The following SLC10A7 variants were observed in gnomAD, a reference collection of about 807,000 sequenced individuals.
SLC10A7 encodes sodium/bile acid cotransporter 7.
SLC10A7 carries 29 observed loss-of-function variants against 43.2 expected under a neutral mutation model. The observed-to-expected ratio is 0.67, with a 90% CI of 0.50 to 0.92. The LOEUF (loss-of-function observed/expected upper bound fraction) is 0.92. Ranked by LOEUF, SLC10A7 falls within the 40% of genes least tolerant of loss-of-function variation. SLC10A7 has a pLI of 0.00. For synonymous variants in SLC10A7, 152 were observed against 144.8 expected (o/e 1.05, Z -0.35); for missense variants, 295 against 403.2 (o/e 0.73, Z 2.30).
chr4:146,389,642 G>A (rs1738270824), intron 5 of SLC10A7, among the ~76,000 whole-genome samples: 1 of 152,206 alleles, frequency 6.6e-6, no homozygotes, highest in Non-Finnish European at 1.5e-5. Flanking sequence ...TTCCCAGAGA[G>A]AACTTCATTC....
At chr4:146,258,636 C>T (rs1418215907) in intron 11 of SLC10A7, 56 bp downstream of exon 11, 2 of 1,527,364 alleles carry the variant, frequency 1.3e-6, no homozygotes, top group Middle Eastern at 1.7e-4. Context: ...AGTTCAGATT[C>T]AGGAACAGCA....
chr4:146,282,414 A>G (rs1456757435), intron 10 of SLC10A7, among the ~76,000 whole-genome samples: 2 of 152,184 alleles, frequency 1.3e-5, no homozygotes. Flanking sequence ...CATTCTCTTA[A>G]GTGACTCATG....
At chr4:146,434,521 A>G (rs1028637486) in intron 5 of SLC10A7, among the ~76,000 whole-genome samples, 4 of 152,166 alleles carry the variant, frequency 2.6e-5, no homozygotes, top group African/African-American at 7.2e-5. Context: ...TTAAAAAGCA[A>G]TAATTGAGAT....
chr4:146,425,079 A>G (rs757613169), intron 5 of SLC10A7, among the ~76,000 whole-genome samples: 9 of 152,192 alleles, frequency 5.9e-5, no homozygotes, highest in Non-Finnish European at 8.8e-5. Context: ...AATAAGAAAA[A>G]TGTTTAAGTG....
At chr4:146,390,745 C>T (rs1738367718) in intron 5 of SLC10A7, among the ~76,000 whole-genome samples, 1 of 152,110 alleles carries the variant, frequency 6.6e-6, no homozygotes, top group African/African-American at 2.4e-5. Flanking sequence ...ATTTTCCCCT[C>T]CTGCTTTACC....
chr4:146,472,569 G>A (rs1373615631), intron 4 of SLC10A7, among the ~76,000 whole-genome samples: 2 of 151,786 alleles, frequency 1.3e-5, no homozygotes, highest in African/African-American at 4.8e-5. Flanking sequence ...GCGGGCTCAT[G>A]CATTAACATA....
At chr4:146,376,471 C>T (rs532131975) in intron 5 of SLC10A7, among the ~76,000 whole-genome samples, 4 of 152,124 alleles carry the variant, frequency 2.6e-5, no homozygotes, top group Non-Finnish European at 4.4e-5. Context: ...ATTAAAAACC[C>T]CAAACCCCAC....
Position 146,318,566 on chromosome 4 carries a change from C to T in SLC10A7, c.471+7395G>A, listed in dbSNP as rs535997922. Reference sequence around the variant, plus strand: ...ACTTGATCCTCTGATATCTTTCATTCTTTATTATTGCTTTCTTCCAGTCTA... The same window carrying T: ...ACTTGATCCTCTGATATCTTTCATTTTTTATTATTGCTTTCTTCCAGTCTA... On this transcript the variant is annotated intron_variant, in intron 6 of 11. Transcript: ENST00000335472. 2.1e-4 allele frequency among the ~76,000 whole-genome samples: 32 copies of T among 152,128 alleles called. No individual in the cohort carries two copies. The East Asian group carries it at 2.3e-3, about 11-fold the overall frequency.
chr4:146,498,279 G>A (rs988319086), intron 4 of SLC10A7, among the ~76,000 whole-genome samples: 1 of 151,958 alleles, frequency 6.6e-6, no homozygotes, highest in African/African-American at 2.4e-5. Flanking sequence ...CACCAAGCCT[G>A]GCTAATTTTT....
intron 5 of SLC10A7, among the ~76,000 whole-genome samples, chr4:146,328,714 G>T (rs1733328945): frequency 6.6e-6 from 1 of 152,160 alleles, no homozygotes; most frequent in Admixed American, 6.5e-5. Context: ...ACACCACTGA[G>T]CTGATTACAG....
intron 4 of SLC10A7, among the ~76,000 whole-genome samples, chr4:146,483,002 T>A (rs1456280592): frequency 6.6e-6 from 1 of 152,102 alleles, no homozygotes; most frequent in Non-Finnish European, 1.5e-5. Flanking sequence ...AGCTGTCTTT[T>A]CAGAAAGGAA....
At chr4:146,298,403 T>C (rs566292374) in intron 7 of SLC10A7, among the ~76,000 whole-genome samples, 1 of 152,262 alleles carries the variant, frequency 6.6e-6, no homozygotes, top group South Asian at 2.1e-4. Flanking sequence ...TCTACTAGTA[T>C]TAATAACACT....
At position 146,348,155 on chromosome 4, in the gene SLC10A7, T is replaced by TAGTC. The variant is rs528954579; in HGVS notation, c.436-22163_436-22160dup. On this transcript the variant is annotated intron_variant, in intron 5 of 11. Transcript: ENST00000335472. ...TGGATCCAGTGTTTACAACAAGGAG[T>TAGTC]AGTCACGTTATTTGAAATAAAATGT... is the stretch of plus-strand genomic sequence containing the variant. 3.9e-5 allele frequency among the ~76,000 whole-genome samples: 6 copies of TAGTC among 152,166 alleles called. No individual in the cohort carries two copies. In the South Asian group the frequency reaches 1.2e-3, roughly 32 times the overall value.
In SLC10A7 at chr4:146,416,012, A is replaced by T. The variant is rs72729864; in HGVS notation, c.435+26771T>A. Among the ~76,000 whole-genome samples the T allele has an allele frequency of 3.0e-3, 453 of 152,300 alleles. 1 individual carries two copies. The highest frequency in any genetic ancestry group is 4.8e-3 in the Non-Finnish European group (326 of 68,010). On this transcript the variant is annotated intron_variant, in intron 5 of 11. Transcript: ENST00000335472. ...TGCTTTCCAAGTCTGGAGAAATTTT[A>T]AAAAATTGGCTGCTCTCCCAGACAT...
At chr4:146,283,109 T>C in intron 10 of SLC10A7, 83 bp downstream of exon 10, 1 of 1,107,066 alleles carries the variant, frequency 9.0e-7, no homozygotes, top group Non-Finnish European at 1.4e-6. Flanking sequence ...TCCATTTAAT[T>C]TGAAGAGTTC....
intron 10 of SLC10A7, among the ~76,000 whole-genome samples, chr4:146,282,561 C>A (rs143026640): frequency 6.6e-6 from 1 of 152,060 alleles, no homozygotes; most frequent in Non-Finnish European, 1.5e-5. Context: ...ACATAGATTC[C>A]GGATGTGTAA....
intron 5 of SLC10A7, among the ~76,000 whole-genome samples, chr4:146,414,206 A>G (rs1728406155): frequency 6.6e-6 from 1 of 152,210 alleles, no homozygotes; most frequent in South Asian, 2.1e-4. Context: ...CATGACTAGG[A>G]AACAACAGCA....
chr4:146,407,666 A>C (rs1438294877), intron 5 of SLC10A7, among the ~76,000 whole-genome samples: 1 of 152,246 alleles, frequency 6.6e-6, no homozygotes, highest in African/African-American at 2.4e-5. Flanking sequence ...CTACTGTGCC[A>C]GACTATTAAC....
chr4:146,490,426 C>G (rs1007860379), intron 4 of SLC10A7, among the ~76,000 whole-genome samples: 1 of 152,060 alleles, frequency 6.6e-6, no homozygotes, highest in Non-Finnish European at 1.5e-5. Context: ...GTAGAATACT[C>G]TATCATGCAT....
Sources: allele counts gnomAD v4.1 joint callset (sites outside exome capture counted in the v4.1 genomes callset), GRCh38; gene constraint gnomAD v4.1.1; transcripts MANE v1.5; gene names NCBI Gene and HGNC (gene_info 2026-07-23, HGNC 2026-07-21).